Variants in GLT8D2 observed in about 807,000 individuals in gnomAD.
GLT8D2 encodes the protein glycosyltransferase 8 domain-containing protein 2.
In GLT8D2, 45 loss-of-function variants were observed where a neutral mutation model predicts 44.5. The ratio of observed to expected loss-of-function variants is 1.01; its 90% confidence interval spans 0.80 to 1.30. The LOEUF (loss-of-function observed/expected upper bound fraction) is 1.30. Ranked by LOEUF, GLT8D2 falls within the 50% of genes most tolerant of loss-of-function variation. The pLI is 0.00. For synonymous variants in GLT8D2, 156 were observed against 157.2 expected (o/e 0.99, Z 0.06); for missense variants, 400 against 430.4 (o/e 0.93, Z 0.62).
intron 1 of GLT8D2, among the ~76,000 whole-genome samples, chr12:104,021,929 A>G (rs28667827): frequency 0.059 from 1,417 of 24,126 alleles, 65 homozygotes; most frequent in East Asian, 0.29. Context: ...AAGAAGAAGA[A>G]GAAGAAGAAG....
intron 5 of GLT8D2, among the ~76,000 whole-genome samples, chr12:104,002,234 T>C (rs1275028767): frequency 2.0e-5 from 3 of 152,212 alleles, no homozygotes; most frequent in Admixed American, 1.3e-4. Flanking sequence ...GTTGGAAATA[T>C]AGGAGTGAGC....
At chr12:104,015,393 AACAC>A (rs55732553) in intron 3 of GLT8D2, among the ~76,000 whole-genome samples, 12,478 of 126,064 alleles carry the variant, frequency 0.099, 555 homozygotes, top group Middle Eastern at 0.14. Flanking sequence ...AACAACAACA[AACAC>A]ACACACACAC....
At chr12:104,051,267 C>G (rs1038540925), upstream of GLT8D2, among the ~76,000 whole-genome samples, 5 of 152,072 alleles carry the variant, frequency 3.3e-5, no homozygotes, top group African/African-American at 1.2e-4. Context: ...ATTACAGGTG[C>G]ACATCACTAC....
intron 1 of GLT8D2, among the ~76,000 whole-genome samples, chr12:104,023,535 G>T (rs1289577591): frequency 6.6e-6 from 1 of 152,066 alleles, no homozygotes; most frequent in Admixed American, 6.5e-5. Context: ...TGATTTTTAA[G>T]TTTTTAAAAA....
chr12:104,026,031 C>A (rs1660822337), intron 1 of GLT8D2, among the ~76,000 whole-genome samples: 1 of 152,100 alleles, frequency 6.6e-6, no homozygotes, highest in South Asian at 2.1e-4. Flanking sequence ...GTAATTCCAG[C>A]ACTTTGGGAG....
At chr12:104,006,887 G>A (rs914711222) in intron 4 of GLT8D2, among the ~76,000 whole-genome samples, 1 of 152,060 alleles carries the variant, frequency 6.6e-6, no homozygotes, top group Non-Finnish European at 1.5e-5. Context: ...ACAAAGAACT[G>A]AAAAGCCTCA....
chr12:104,040,170 T>G (rs903858780), intron 1 of GLT8D2, among the ~76,000 whole-genome samples: 2 of 152,152 alleles, frequency 1.3e-5, no homozygotes, highest in Non-Finnish European at 1.5e-5. Flanking sequence ...GGGGGAGGGA[T>G]AGCATTAAGA....
intron 1 of GLT8D2, among the ~76,000 whole-genome samples, chr12:104,061,836 C>T (rs945527196): frequency 3.2e-4 from 48 of 151,670 alleles, no homozygotes; most frequent in African/African-American, 9.9e-4. Context: ...ATTAGCCAGG[C>T]GTGGTGGTGC....
intron 4 of GLT8D2, among the ~76,000 whole-genome samples, chr12:104,012,183 AAAAAAAATAT>A (rs1566197122): frequency 1.2e-5 from 1 of 84,090 alleles, no homozygotes; most frequent in African/African-American, 4.4e-5. Context: ...AAAAAAAAAA[AAAAAAAATAT>A]ATATATATAT....
intron 10 of GLT8D2, among the ~76,000 whole-genome samples, 200 bp downstream of exon 10, chr12:103,993,192 G>A (rs910020085): frequency 7.9e-5 from 12 of 152,138 alleles, no homozygotes; most frequent in South Asian, 2.1e-4. Context: ...TTAGCTGGGC[G>A]TGATGGCACA....
chr12:104,046,002 C>T (rs1335959677), intron 1 of GLT8D2, among the ~76,000 whole-genome samples: 1 of 149,620 alleles, frequency 6.7e-6, no homozygotes, highest in African/African-American at 2.4e-5. Flanking sequence ...ATCATGTCTG[C>T]CATGGTTATA....
intron 1 of GLT8D2, among the ~76,000 whole-genome samples, chr12:104,063,754 G>T (rs898030420): frequency 6.6e-6 from 1 of 151,978 alleles, no homozygotes. Context: ...ACTGCACTGT[G>T]CCTCATTTCC....
chr12:104,048,348 A>G (rs1049636108), intron 1 of GLT8D2, among the ~76,000 whole-genome samples: 1 of 152,234 alleles, frequency 6.6e-6, no homozygotes, highest in Admixed American at 6.5e-5. Context: ...TCTCTACTAC[A>G]GGACTTCTCA....
chr12:104,052,678 A>G (rs1277306255), upstream of GLT8D2, among the ~76,000 whole-genome samples: 1 of 152,148 alleles, frequency 6.6e-6, no homozygotes, highest in Non-Finnish European at 1.5e-5. Context: ...ACAATCCAGC[A>G]GGTGTGTCCT....
chr12:104,056,210 T>A (rs574951375), intron 1 of GLT8D2, among the ~76,000 whole-genome samples: 1 of 152,236 alleles, frequency 6.6e-6, no homozygotes. Context: ...GCTGGAGCCC[T>A]GCAATCTGTA....
rs184588149 is a variant in GLT8D2, at chr12:104,039,300, C to A, written c.-164+10595G>T. On this transcript the variant is annotated intron_variant, in intron 1 of 10. Coordinates refer to ENST00000360814, the MANE Select transcript of GLT8D2 (RefSeq NM_001384711.1). ...AAAAGCCAAAATACACAAATGGGATCTAATTAAACTAAAGAGCTTCTGCAC... is the reference window on the plus strand; with the variant it reads ...AAAAGCCAAAATACACAAATGGGATATAATTAAACTAAAGAGCTTCTGCAC... Among the ~76,000 whole-genome samples the A allele has an allele frequency of 1.8e-4, 27 of 152,266 alleles. No homozygotes were observed. In the East Asian group the frequency reaches 4.4e-3, roughly 25 times the overall value.
intron 3 of GLT8D2, among the ~76,000 whole-genome samples, chr12:104,016,774 A>AGAAAGAAAGAAGGAAGGAAG (rs1566199645): frequency 8.6e-5 from 5 of 58,370 alleles, no homozygotes; most frequent in African/African-American, 4.0e-4. Flanking sequence ...AAAGAAAGAA[A>AGAAAGAAAGAAGGAAGGAAG]GAAGGAAGGA....
chr12:104,040,995 G>C (rs566999227), intron 1 of GLT8D2, among the ~76,000 whole-genome samples: 1 of 152,156 alleles, frequency 6.6e-6, no homozygotes, highest in Non-Finnish European at 1.5e-5. Context: ...GGCTGGGCAC[G>C]GTGGCTCACG....
chr12:104,021,968 AGAG>A (rs1566202602), intron 1 of GLT8D2, among the ~76,000 whole-genome samples: 15 of 65,354 alleles, frequency 2.3e-4, no homozygotes, highest in East Asian at 5.4e-4. Flanking sequence ...AAGAAGAGGA[AGAG>A]GAAGAGGAAG....
Sources: allele counts gnomAD v4.1 joint callset (sites outside exome capture counted in the v4.1 genomes callset), GRCh38; gene constraint gnomAD v4.1.1; transcripts MANE v1.5; gene names NCBI Gene and HGNC (gene_info 2026-07-23, HGNC 2026-07-21).